The following MYT1L variants were observed in gnomAD, a reference collection of about 807,000 sequenced individuals.
MYT1L encodes the protein myelin transcription factor 1-like protein.
Under a neutral mutation model 126.7 loss-of-function variants are expected in MYT1L, and 12 were observed. The ratio of observed to expected loss-of-function variants is 0.09; its 90% CI spans 0.06 to 0.15. The LOEUF is 0.15. Ranked by LOEUF, MYT1L falls within the 10% of genes least tolerant of loss-of-function variation. The pLI is 1.00. For synonymous variants in MYT1L, 541 were observed against 604.2 expected (o/e 0.90, Z 1.53); for missense variants, 979 against 1,585.2 (o/e 0.62, Z 6.49).
At chr2:2,040,275 G>C (rs930758076) in intron 4 of MYT1L, among the ~76,000 whole-genome samples, 1 of 152,126 alleles carries the variant, frequency 6.6e-6, no homozygotes, top group Admixed American at 6.5e-5. Flanking sequence ...GAATTTCTAC[G>C]TGTGCCCAAT....
intron 2 of MYT1L, among the ~76,000 whole-genome samples, chr2:2,230,298 G>A (rs774260399): frequency 6.6e-6 from 1 of 152,208 alleles, no homozygotes; most frequent in Non-Finnish European, 1.5e-5. Flanking sequence ...TCCCTCAGCT[G>A]CAGCGTCTGT....
chr2:2,009,870 C>A (rs904909138), intron 4 of MYT1L, among the ~76,000 whole-genome samples: 1 of 141,884 alleles, frequency 7.0e-6, no homozygotes, highest in Non-Finnish European at 1.5e-5. Context: ...TGCTGAGAAA[C>A]TTTTCTTCTA....
At chr2:1,796,944 C>T (rs950641234) in intron 23 of MYT1L, among the ~76,000 whole-genome samples, 3 of 152,150 alleles carry the variant, frequency 2.0e-5, no homozygotes, top group South Asian at 2.1e-4. Context: ...TGTTTTTTTC[C>T]GGATTCTGAT....
chr2:1,830,947 G>C (rs1045550946), intron 21 of MYT1L, among the ~76,000 whole-genome samples: 2 of 152,184 alleles, frequency 1.3e-5, no homozygotes, highest in African/African-American at 2.4e-5. Flanking sequence ...CTGGAGTAAG[G>C]CTCCCACGCT....
chr2:1,953,666 C>G (rs1309542886), intron 8 of MYT1L, among the ~76,000 whole-genome samples: 1 of 152,190 alleles, frequency 6.6e-6, no homozygotes, highest in African/African-American at 2.4e-5. Flanking sequence ...TATTCCAAGT[C>G]CCATTGTGCG....
At chr2:2,077,490 T>A (rs1427834275) in intron 3 of MYT1L, among the ~76,000 whole-genome samples, 1 of 152,128 alleles carries the variant, frequency 6.6e-6, no homozygotes, top group African/African-American at 2.4e-5. Context: ...CAAACAGACA[T>A]GATTCAATTA....
At chr2:1,834,825 T>C (rs1373354848) in intron 21 of MYT1L, among the ~76,000 whole-genome samples, 1 of 151,068 alleles carries the variant, frequency 6.6e-6, no homozygotes, top group Non-Finnish European at 1.5e-5. Context: ...ACCACGGGGA[T>C]GGATACAGGT....
intron 2 of MYT1L, among the ~76,000 whole-genome samples, chr2:2,245,295 G>C (rs541165266): frequency 6.6e-6 from 1 of 152,206 alleles, no homozygotes; most frequent in South Asian, 2.1e-4. Context: ...GGCCGACTGA[G>C]AGCGGATGGT....
intron 8 of MYT1L, among the ~76,000 whole-genome samples, chr2:1,961,349 G>C (rs2058943630): frequency 6.6e-6 from 1 of 152,154 alleles, no homozygotes; most frequent in Non-Finnish European, 1.5e-5. Context: ...TATTGACTTG[G>C]AAGTCCAGCC....
At chr2:1,846,793 C>T (rs530094669) in intron 19 of MYT1L, among the ~76,000 whole-genome samples, 4 of 152,318 alleles carry the variant, frequency 2.6e-5, no homozygotes, top group African/African-American at 9.6e-5. Context: ...CAGCTTTGCA[C>T]CCTGTGTGAG....
rs944470991 is a variant in MYT1L, at chr2:2,248,128, T to G, written c.-421+36276A>C. Among the ~76,000 whole-genome samples, 23 of 151,396 alleles carry G rather than the reference T, an allele frequency of 1.5e-4. 1 individual carries two copies. Among genetic ancestry groups the G allele is most frequent in the Non-Finnish European group, 3.2e-4 (22 of 67,784 alleles). On this transcript the variant is annotated intron_variant, in intron 2 of 24. Transcript: ENST00000647738. ...AAAAAGGTAAACAAAACTGACAACC[T>G]TTAGCCAGATTAAGCAAAAAAGAGA...
chr2:1,958,248 G>A (rs1038401040), intron 8 of MYT1L, among the ~76,000 whole-genome samples: 2 of 152,194 alleles, frequency 1.3e-5, no homozygotes, highest in Admixed American at 6.5e-5. Context: ...GCTGGAGGAC[G>A]AGGATGTGGC....
At chr2:2,166,192 C>T (rs374612289) in intron 3 of MYT1L, among the ~76,000 whole-genome samples, 2 of 152,162 alleles carry the variant, frequency 1.3e-5, no homozygotes, top group South Asian at 2.1e-4. Context: ...TTCTTCCTTC[C>T]CTCCTCTCTC....
chr2:2,306,536 C>T (rs2095861732), intron 1 of MYT1L, among the ~76,000 whole-genome samples: 1 of 152,108 alleles, frequency 6.6e-6, no homozygotes, highest in African/African-American at 2.4e-5. Flanking sequence ...TCCTAAGGGC[C>T]TTGGGAATAT....
chr2:1,913,110 G>C (rs1378409173), intron 11 of MYT1L, among the ~76,000 whole-genome samples: 6 of 152,202 alleles, frequency 3.9e-5, no homozygotes, highest in Middle Eastern at 3.2e-3. Context: ...TTATGTAATT[G>C]TATTTTTGAC....
chr2:1,917,365 G>T lies in MYT1L; in HGVS notation c.1484-26C>A. ...CTAAAAGCGACAACAGGTGCCAAGA[G>T]AATAAATGTTTACCAATCAAAGACA... On this transcript the variant is annotated intron_variant, in intron 10 of 24. Transcript: ENST00000647738. This position sits in a 1 kb window ranked among gnomAD's most constrained non-coding sequence, Gnocchi z 5.9. 1 of 1,575,208 alleles carries T rather than the reference G, an allele frequency of 6.3e-7. No homozygotes were observed. The highest frequency in any genetic ancestry group is 8.7e-7 in the Non-Finnish European group (1 of 1,155,386).
intron 1 of MYT1L, chr2:2,326,397 T>C (rs1407369770): frequency 1.3e-5 from 2 of 152,206 alleles, no homozygotes; most frequent in Admixed American, 6.5e-5. Context: ...CCCTGATGTG[T>C]TGGGACCAGA....
At chr2:2,234,348 C>T (rs1004069468) in intron 2 of MYT1L, among the ~76,000 whole-genome samples, 3 of 152,152 alleles carry the variant, frequency 2.0e-5, no homozygotes, top group African/African-American at 7.2e-5. Context: ...AGAATAAAGA[C>T]AGTGAAGACA....
chr2:2,317,934 G>T (rs1267079373), intron 1 of MYT1L, among the ~76,000 whole-genome samples: 3 of 152,142 alleles, frequency 2.0e-5, no homozygotes, highest in South Asian at 2.1e-4. Flanking sequence ...TGTTATAAGG[G>T]CCCAAGCCAC....
Sources: allele counts gnomAD v4.1 joint callset (sites outside exome capture counted in the v4.1 genomes callset), GRCh38; gene constraint gnomAD v4.1.1; non-coding constraint Gnocchi (gnomAD v3.1); transcripts MANE v1.5; gene names NCBI Gene and HGNC (gene_info 2026-07-23, HGNC 2026-07-21).